The following NXPE2 variants were observed in gnomAD, a reference collection of about 807,000 sequenced individuals.
NXPE2 encodes the protein NXPE family member 2.
In NXPE2, 34 loss-of-function variants were observed where a neutral mutation model predicts 34.4. The observed-to-expected ratio is 0.99, with a 90% CI of 0.75 to 1.31. NXPE2 has a LOEUF of 1.31. NXPE2 is among the 40% of genes most tolerant of loss of function. The probability of loss-of-function intolerance (pLI) is 0.00; values close to 1 mark genes in which losing one functional copy is unlikely to be tolerated. For synonymous variants in NXPE2, 235 were observed against 231.3 expected (o/e 1.02, Z -0.15); for missense variants, 649 against 672.5 (o/e 0.97, Z 0.39).
chr11:114,533,833 T>A, the NXPE2 span, among the ~76,000 whole-genome samples: 1 of 152,212 alleles, frequency 6.6e-6, no homozygotes, highest in African/African-American at 2.4e-5. Context: ...GAGGCATGCC[T>A]GCCTCTTTAG....
chr11:114,723,646 G>A, the NXPE2 span, among the ~76,000 whole-genome samples: 6 of 152,084 alleles, frequency 3.9e-5, no homozygotes, highest in African/African-American at 1.4e-4. Flanking sequence ...CTGGACAGGT[G>A]GATTTTCAAA....
At chr11:114,600,616 G>A in the NXPE2 span, among the ~76,000 whole-genome samples, 1 of 151,974 alleles carries the variant, frequency 6.6e-6, no homozygotes, top group Non-Finnish European at 1.5e-5. Flanking sequence ...CTAAGCAACT[G>A]TCCCCAGCTA....
At chr11:114,725,602 A>C in the NXPE2 span, among the ~76,000 whole-genome samples, 104 of 152,040 alleles carry the variant, frequency 6.8e-4, no homozygotes, top group African/African-American at 2.2e-3. Flanking sequence ...GCGTAGCCCC[A>C]CAGGTTCTCT....
chr11:114,674,002 A>G (rs1375964362), upstream of NXPE2, among the ~76,000 whole-genome samples: 3 of 151,778 alleles, frequency 2.0e-5, no homozygotes, highest in East Asian at 5.8e-4. Flanking sequence ...AAAACTAGAA[A>G]TCACCCCAAA....
the NXPE2 span, chr11:114,594,684 C>G: frequency 1.9e-6 from 3 of 1,601,276 alleles, no homozygotes; most frequent in East Asian, 6.7e-5. Flanking sequence ...TTCTGGAAAA[C>G]TGTAAAAATG....
chr11:114,640,386 G>A, the NXPE2 span, among the ~76,000 whole-genome samples: 2 of 150,300 alleles, frequency 1.3e-5, no homozygotes, highest in Non-Finnish European at 3.0e-5. Flanking sequence ...ATCCACTCAT[G>A]TGTTCGTCAG....
chr11:114,576,725 T>A, the NXPE2 span, among the ~76,000 whole-genome samples: 1 of 151,934 alleles, frequency 6.6e-6, no homozygotes, highest in African/African-American at 2.4e-5. Context: ...GGGAACACTT[T>A]TACACTGTTG....
chr11:114,615,050 G>A, the NXPE2 span, among the ~76,000 whole-genome samples: 6 of 151,844 alleles, frequency 4.0e-5, no homozygotes, highest in African/African-American at 1.2e-4. Context: ...TGGATAATAA[G>A]TGTTGCCTCG....
At chr11:114,484,911 G>A in the NXPE2 span, among the ~76,000 whole-genome samples, 4 of 152,250 alleles carry the variant, frequency 2.6e-5, no homozygotes, top group African/African-American at 9.6e-5. Context: ...TCCTAGCTGG[G>A]TGCTAACTGG....
chr11:114,631,299 T>A, the NXPE2 span, among the ~76,000 whole-genome samples: 1 of 151,594 alleles, frequency 6.6e-6, no homozygotes, highest in Middle Eastern at 3.4e-3. Flanking sequence ...ATAGACTGGA[T>A]TAAGAAAATG....
At chr11:114,709,769 G>A (rs2135579490), downstream of NXPE2, among the ~76,000 whole-genome samples, 1 of 152,162 alleles carries the variant, frequency 6.6e-6, no homozygotes, top group Non-Finnish European at 1.5e-5. Flanking sequence ...GGGCATGGGG[G>A]CACATGTCTG....
At chr11:114,708,201 C>T (rs1951504250), downstream of NXPE2, among the ~76,000 whole-genome samples, 1 of 152,118 alleles carries the variant, frequency 6.6e-6, no homozygotes, top group Non-Finnish European at 1.5e-5. Context: ...TTATTTGGAA[C>T]TTAGTAACCA....
At chr11:114,752,729 T>G in the NXPE2 span, among the ~76,000 whole-genome samples, 1 of 152,164 alleles carries the variant, frequency 6.6e-6, no homozygotes, top group African/African-American at 2.4e-5. Flanking sequence ...GGAACGACTG[T>G]GGGAGTCTGG....
the NXPE2 span, chr11:114,522,351 G>C: frequency 6.2e-7 from 1 of 1,614,074 alleles, no homozygotes; most frequent in Non-Finnish European, 8.5e-7. Flanking sequence ...TCAATTTCCC[G>C]AGGGATATAA....
chr11:114,718,159 GC>G, the NXPE2 span, among the ~76,000 whole-genome samples: 2 of 152,150 alleles, frequency 1.3e-5, no homozygotes, highest in African/African-American at 4.8e-5. Flanking sequence ...AGGAAACTGA[GC>G]TCTGAATAGC....
the NXPE2 span, among the ~76,000 whole-genome samples, chr11:114,649,363 C>G: frequency 3.3e-5 from 5 of 152,038 alleles, no homozygotes; most frequent in Non-Finnish European, 2.9e-5. Flanking sequence ...TGGATAGACA[C>G]AATGTGGCAT....
the NXPE2 span, among the ~76,000 whole-genome samples, chr11:114,801,859 G>A: frequency 6.6e-6 from 1 of 152,136 alleles, no homozygotes; most frequent in Non-Finnish European, 1.5e-5. Context: ...GGGGCAGAGA[G>A]GAGAGGAGAG....
the NXPE2 span, among the ~76,000 whole-genome samples, chr11:114,755,234 C>A: frequency 6.6e-6 from 1 of 152,050 alleles, no homozygotes; most frequent in African/African-American, 2.4e-5. Context: ...GAGATGATGC[C>A]TTCATTTATT....
At chr11:114,707,352 T>A, downstream of NXPE2, 1 of 364,704 alleles carries the variant, frequency 2.7e-6, no homozygotes, top group East Asian at 1.0e-4. Flanking sequence ...CACCTCGGCC[T>A]CCCAAAGTGC....
Sources: allele counts gnomAD v4.1 joint callset (sites outside exome capture counted in the v4.1 genomes callset), GRCh38; gene constraint gnomAD v4.1.1; transcripts MANE v1.5; gene names NCBI Gene and HGNC (gene_info 2026-07-23, HGNC 2026-07-21).